Variants in HDAC7 observed in about 807,000 individuals in gnomAD.
HDAC7 encodes the protein histone deacetylase 7A.
HDAC7 carries 26 observed loss-of-function variants against 115.5 expected under a neutral mutation model. The ratio of observed to expected loss-of-function variants is 0.23; its 90% CI spans 0.16 to 0.31. The LOEUF is 0.31. Ranked by LOEUF, HDAC7 falls within the 10% of genes least tolerant of loss-of-function variation. HDAC7 has a pLI of 1.00. For synonymous variants in HDAC7, 564 were observed against 550.9 expected, an observed-to-expected ratio of 1.02 and a Z score of -0.33; for missense variants, 1,068 against 1,329.0, an observed-to-expected ratio of 0.80 and a Z score of 3.05.
chr12:47,820,946 G>T (rs1945002981), upstream of HDAC7, among the ~76,000 whole-genome samples: 1 of 152,210 alleles, frequency 6.6e-6, no homozygotes, highest in South Asian at 2.1e-4. This position sits in a 1 kb window ranked among gnomAD's most constrained non-coding sequence, Gnocchi z 4.3. Flanking sequence ...AGATTCAGGG[G>T]TCAGGGGCTA....
chr12:47,794,743 G>C lies in HDAC7; in HGVS notation c.1458+17C>G, dbSNP rs966694793. The C allele has an allele frequency of 1.3e-6, 2 of 1,558,738 alleles. No individual in the cohort carries two copies. The highest frequency in any genetic ancestry group is 1.7e-6 in the Non-Finnish European group (2 of 1,155,800). On this transcript the variant is annotated intron_variant, in intron 12 of 25. Transcript: ENST00000080059. ...TTCTGAGGACACTTTCTGAGGGGCA[G>C]GTGGGGACTGCCATACCTGAGGGTG...
chr12:47,788,289 G>T (rs74495016), intron 19 of HDAC7, 125 bp from the exon 20 acceptor site: 212,712 of 1,269,346 alleles, frequency 0.17, 19,951 homozygotes, highest in Non-Finnish European at 0.19. Context: ...GGAACCTGGG[G>T]TTCCTAAAGC....
chr12:47,791,320 G>A lies in HDAC7; in HGVS notation c.1934-12C>T. ...CTGTGCCAGGAGCCCTGCGGGGAGA[G>A]GCCCAGCCCACGTCAGCGTGAATAC... On this transcript the variant is annotated splice_polypyrimidine_tract_variant and intron_variant, in intron 15 of 25. Coordinates refer to ENST00000080059, the MANE Select transcript of HDAC7 (RefSeq NM_015401.5). 2 of 1,579,014 alleles carry A rather than the reference G, an allele frequency of 1.3e-6. No individual in the cohort carries two copies. Among genetic ancestry groups the A allele is most frequent in the Non-Finnish European group, 1.7e-6 (2 of 1,162,494 alleles).
In HDAC7 at chr12:47,798,551, C is replaced by A; in HGVS notation, c.349+11G>T. The stretch of plus-strand genomic sequence containing the variant: ...TGGGGCTGGGCTGGGCTGGGGTGGC[C>A]ACCTCCTTACTTCGCTTGCTCTTGT... On this transcript the variant is annotated intron_variant, in intron 4 of 25. Transcript: ENST00000080059. This position sits in a 1 kb window ranked among gnomAD's most constrained non-coding sequence, Gnocchi z 4.3. 1 of 1,612,736 alleles carries A rather than the reference C, an allele frequency of 6.2e-7. No homozygotes were observed.
Position 47,788,998 on chromosome 12 carries a change from T to C in HDAC7, c.2235+263A>G, listed in dbSNP as rs746990297. 1.8e-4 allele frequency: 86 copies of C among 474,252 alleles called. No individual in the cohort carries two copies. The South Asian group carries it at 2.5e-3, about 14-fold the overall frequency. 29.4% of individuals were successfully genotyped at this position (474,252 alleles called of 1,614,324 possible). A position where few individuals can be genotyped will look rare whatever the true frequency, so the allele number is the denominator to read the frequency against. ...TACTAGATCTGCCAAAAGAAGCCAA[T>C]AGAGGTCAAAAGACAACACTCAAAT... On this transcript the variant is annotated intron_variant, in intron 19 of 25. Transcript: ENST00000080059.
intron 1 of HDAC7, chr12:47,819,208 G>A (rs1944941526): frequency 6.6e-6 from 1 of 152,618 alleles, no homozygotes; most frequent in Admixed American, 6.5e-5. Context: ...CCCCTCCAAG[G>A]GACCTCTTTC....
chr12:47,818,324 G>C (rs975726471), intron 1 of HDAC7, among the ~76,000 whole-genome samples: 2 of 152,238 alleles, frequency 1.3e-5, no homozygotes, highest in Non-Finnish European at 2.9e-5. Context: ...TAAAGGCAGA[G>C]GACCAGTCCC....
intron 19 of HDAC7, chr12:47,788,983 G>C (rs1485794198): frequency 4.6e-6 from 2 of 432,434 alleles, no homozygotes; most frequent in Admixed American, 7.9e-5. Context: ...TACTAGATCT[G>C]CCAAAAGAAG....
chr12:47,804,293 C>G (rs896104080), intron 1 of HDAC7, among the ~76,000 whole-genome samples: 1 of 152,168 alleles, frequency 6.6e-6, no homozygotes, highest in Non-Finnish European at 1.5e-5. Context: ...TCCCTGGCCC[C>G]GTGCTGAGGG....
chr12:47,800,535 A>G (rs1473375562), intron 2 of HDAC7, among the ~76,000 whole-genome samples: 1 of 152,204 alleles, frequency 6.6e-6, no homozygotes, highest in African/African-American at 2.4e-5. Flanking sequence ...TAGAAAATGT[A>G]TGGCTTTGAT....
In HDAC7 at chr12:47,783,641, A is replaced by G; in HGVS notation, c.*200T>C. On this transcript the variant is annotated 3_prime_UTR_variant, in exon 26 of 26. Coordinates refer to ENST00000080059, the MANE Select transcript of HDAC7 (RefSeq NM_015401.5). ...GTCGCCGCCCAGCCCGTCTCCTCTC[A>G]GGGTCCTCTCCAGTTCCCATTCTAG... 1.6e-6 allele frequency: 1 copy of G among 624,586 alleles called. No homozygotes were observed. The highest frequency in any genetic ancestry group is 2.9e-6 in the Non-Finnish European group (1 of 347,358). The allele number at this position is 624,586 out of a possible 1,614,324, so 38.7% of individuals were successfully genotyped here.
intron 19 of HDAC7, chr12:47,789,057 G>A (rs1943330782): frequency 1.7e-6 from 1 of 580,154 alleles, no homozygotes; most frequent in Non-Finnish European, 3.1e-6. Context: ...GTTTGCGATG[G>A]CTGAATGCGT....
intron 13 of HDAC7, chr12:47,792,633 C>T: frequency 4.4e-6 from 2 of 455,914 alleles, no homozygotes; most frequent in South Asian, 3.1e-5. Flanking sequence ...AATGCTCACA[C>T]CATGTGACCC....
chr12:47,798,384 AC>A lies in HDAC7; in HGVS notation c.350-166del, dbSNP rs1943983619. ...CCCCTCCCTAGAGCCTCCAGACACC[AC>A]CCCCCACCCCCACATCCCCCACACA... is the stretch of plus-strand genomic sequence containing the variant. On this transcript the variant is annotated intron_variant, in intron 4 of 25. Transcript: ENST00000080059. This position sits in a 1 kb window ranked among gnomAD's most constrained non-coding sequence, Gnocchi z 4.3. Among the ~76,000 whole-genome samples the A allele has an allele frequency of 7.2e-6, 1 of 138,054 alleles. No homozygotes were observed. The highest frequency in any genetic ancestry group is 1.6e-5 in the Non-Finnish European group (1 of 63,042). 90.6% of individuals were successfully genotyped at this position (138,054 alleles called of 152,430 possible).
At chr12:47,796,704 G>A (rs562101527) in intron 7 of HDAC7, among the ~76,000 whole-genome samples, 111 of 152,272 alleles carry the variant, frequency 7.3e-4, no homozygotes, top group African/African-American at 2.3e-3. Context: ...GATTATAGGC[G>A]TGAACCACCG....
chr12:47,785,711 C>T (rs1430564738), intron 23 of HDAC7, 41 bp downstream of exon 23: 11 of 1,580,276 alleles, frequency 7.0e-6, no homozygotes, highest in Non-Finnish European at 7.7e-6. Flanking sequence ...CCGGGCTTAC[C>T]TGCCTGACAG....
At position 47,786,652 on chromosome 12, in the gene HDAC7, C is replaced by A; in HGVS notation, c.2505G>T (p.Val835=). The stretch of plus-strand genomic sequence containing the variant: ...CCTCAGCAGCATCAAATCCAGCAGA[C>A]ACCAGGACTAGGTCTGGAGAGAACT... ...AREFSPDLVL[V]SAGFDAAEGH... is the part of the protein sequence containing the mutation. Residue 835 remains valine (V), a synonymous_variant, in exon 22 of 26, where the codon GTG becomes GTT. Coordinates refer to ENST00000080059, the MANE Select transcript of HDAC7 (RefSeq NM_015401.5). 1 of 1,614,142 alleles carries A rather than the reference C, an allele frequency of 6.2e-7. No individual in the cohort carries two copies. Among genetic ancestry groups the A allele is most frequent in the Non-Finnish European group, 8.5e-7 (1 of 1,180,044 alleles).
chr12:47,794,785 G>A lies in HDAC7; in HGVS notation c.1433C>T (p.Pro478Leu). The A allele has an allele frequency of 6.2e-7, 1 of 1,609,222 alleles. No individual in the cohort carries two copies. The highest frequency in any genetic ancestry group is 8.5e-7 in the Non-Finnish European group (1 of 1,178,288). ...LGHGQPEARG[P>L]APLQQHPQVL... ...CTGAGGGTGCTGCTGGAGAGGAGCG[G>A]GGCCTCTGGCCTCAGGCTGCCCATG... The change falls in exon 12 of 26, where the codon CCC becomes CTC. Residue 478 changes from proline (P) to leucine (L), a missense_variant. Physicochemically the swap from Pro to Leu is moderately conservative, Grantham distance 98 (BLOSUM62 -3). This residue lies in a region of HDAC7 where 618 missense variants were observed against 701.5 expected (regional missense o/e 0.88). Transcript: ENST00000080059.
chr12:47,788,308 C>G, intron 19 of HDAC7, 144 bp from the exon 20 acceptor site: 3 of 982,766 alleles, frequency 3.1e-6, no homozygotes, highest in Admixed American at 2.8e-5. Context: ...GCCACACGGT[C>G]GAGTGGCCCC....
Sources: gnomAD v4.1 joint callset for allele counts (sites outside exome capture counted in the v4.1 genomes callset) on GRCh38, gnomAD v4.1.1 for gene constraint, gnomAD v4.1.1 regional missense constraint, Gnocchi (gnomAD v3.1) non-coding constraint, MANE v1.5 for transcripts, NCBI Gene and HGNC (gene_info 2026-07-23, HGNC 2026-07-21) for gene names.